THSD4: variants seen among roughly 807,000 people sequenced by gnomAD.
THSD4 encodes the protein thrombospondin type-1 domain-containing protein 4.
A neutral mutation model predicts 119.0 loss-of-function variants in THSD4; 69 were observed. The ratio of observed to expected loss-of-function variants is 0.58; its 90% confidence interval spans 0.48 to 0.71. The LOEUF is 0.71. THSD4 is among the 30% of genes least tolerant of loss of function. THSD4 has a pLI of 0.00. For synonymous variants in THSD4, 524 were observed against 540.4 expected (o/e 0.97, Z 0.42); for missense variants, 1,393 against 1,391.1 (o/e 1.00, Z -0.02).
At chr15:71,364,582 G>T (rs943716948) in intron 6 of THSD4, among the ~76,000 whole-genome samples, 1 of 152,196 alleles carries the variant, frequency 6.6e-6, no homozygotes, top group African/African-American at 2.4e-5. Context: ...TCCCCTTAGG[G>T]GTTCAAGAGG....
chr15:71,506,383 C>G (rs2048188157), intron 7 of THSD4, among the ~76,000 whole-genome samples: 1 of 152,204 alleles, frequency 6.6e-6, no homozygotes. Flanking sequence ...TACTGACTCT[C>G]TCACTCTTCC....
intron 7 of THSD4, among the ~76,000 whole-genome samples, chr15:71,476,705 C>T (rs958186068): frequency 2.6e-5 from 4 of 152,232 alleles, no homozygotes; most frequent in African/African-American, 4.8e-5. Context: ...TTTCTTTTAG[C>T]ACCTCAAGAA....
At chr15:71,757,735 A>G in intron 14 of THSD4, 167 bp from the exon 15 acceptor site, 1 of 791,128 alleles carries the variant, frequency 1.3e-6, no homozygotes, top group Non-Finnish European at 2.0e-6. Context: ...GAATTGCCAT[A>G]CTGATATCTC....
chr15:71,361,725 G>T (rs750971129), intron 6 of THSD4, among the ~76,000 whole-genome samples: 1 of 152,128 alleles, frequency 6.6e-6, no homozygotes, highest in East Asian at 1.9e-4. Context: ...CATCACAAAA[G>T]ATTGGAAACA....
At chr15:71,121,104 C>A (rs189705840) in intron 1 of THSD4, among the ~76,000 whole-genome samples, 73 of 151,966 alleles carry the variant, frequency 4.8e-4, no homozygotes, top group Non-Finnish European at 9.6e-4. Flanking sequence ...ACATACTTTT[C>A]CCCCTGAAAT....
chr15:71,610,819 G>A lies in THSD4; in HGVS notation c.1153-49711G>A, dbSNP rs1595785514. ...TCATTCTCCAGATATAAATTGGAGGGAAGCAGAGAGCAGTAGGGGCAGTTA... is the reference window on the plus strand; with the variant it reads ...TCATTCTCCAGATATAAATTGGAGGAAAGCAGAGAGCAGTAGGGGCAGTTA... On this transcript the variant is annotated intron_variant, in intron 7 of 17. Transcript: ENST00000261862. Among the ~76,000 whole-genome samples, 3 of 152,284 alleles carry A rather than the reference G, an allele frequency of 2.0e-5. No homozygotes were observed. The South Asian group carries it at 6.2e-4, about 32-fold the overall frequency.
At chr15:71,727,021 C>A (rs1341319399) in intron 8 of THSD4, among the ~76,000 whole-genome samples, 1 of 151,960 alleles carries the variant, frequency 6.6e-6, no homozygotes, top group Non-Finnish European at 1.5e-5. Context: ...TGAAGAAATT[C>A]TATTTCCAGA....
At chr15:71,630,991 C>T (rs142451086) in intron 7 of THSD4, among the ~76,000 whole-genome samples, 14 of 152,318 alleles carry the variant, frequency 9.2e-5, no homozygotes, top group African/African-American at 3.4e-4. Context: ...TCATGCTCTC[C>T]TCCCCAACCA....
chr15:71,673,842 C>T (rs1035607057), intron 8 of THSD4, among the ~76,000 whole-genome samples: 4 of 152,100 alleles, frequency 2.6e-5, no homozygotes, highest in African/African-American at 7.2e-5. Flanking sequence ...CTGCAAGGTC[C>T]GCCTCCCAGG....
chr15:71,234,365 G>A (rs1455779729), intron 4 of THSD4, among the ~76,000 whole-genome samples: 1 of 152,070 alleles, frequency 6.6e-6, no homozygotes. Context: ...GAGTGCAATG[G>A]CACGATCTTG....
intron 3 of THSD4, among the ~76,000 whole-genome samples, chr15:71,191,574 C>A (rs1306666548): frequency 6.6e-6 from 1 of 152,164 alleles, no homozygotes; most frequent in Non-Finnish European, 1.5e-5. Flanking sequence ...TTATTATCAT[C>A]CCTGTTTTAT....
chr15:71,385,380 TAAAAG>T (rs1319761766), intron 6 of THSD4, among the ~76,000 whole-genome samples: 1 of 152,078 alleles, frequency 6.6e-6, no homozygotes, highest in Non-Finnish European at 1.5e-5. Context: ...ACTAATCTCT[TAAAAG>T]AAAAACCTTA....
At chr15:71,716,495 C>T (rs1595886109) in intron 8 of THSD4, among the ~76,000 whole-genome samples, 1 of 151,656 alleles carries the variant, frequency 6.6e-6, no homozygotes, top group East Asian at 1.9e-4. Context: ...GCTAGAATCG[C>T]ACTGGAGTAT....
rs750905803 is a variant in THSD4 at position 71,748,436 on chromosome 15, G to A, written c.2257G>A (p.Gly753Ser). Residue 753 changes from glycine (G) to serine (S), a missense_variant, in exon 14 of 18, where the codon GGC becomes AGC. Transcript: ENST00000261862. ...TDWTSCSVPC[G>S]VGQRTRDVKC... ...TGTGTTTCAGTGCTCGGTGCCCTGC[G>A]GCGTGGGACAGAGGACCCGTGATGT... 8.1e-6 allele frequency: 13 copies of A among 1,614,054 alleles called. No homozygotes were observed. The highest frequency in any genetic ancestry group is 1.1e-5 in the South Asian group (1 of 91,074).
intron 8 of THSD4, among the ~76,000 whole-genome samples, chr15:71,717,586 G>T (rs1400383136): frequency 8.7e-6 from 1 of 114,352 alleles, no homozygotes; most frequent in Admixed American, 1.0e-4. Flanking sequence ...CTTAAATATG[G>T]CATTTAGCAT....
At chr15:71,339,845 A>G (rs1399277372) in intron 6 of THSD4, among the ~76,000 whole-genome samples, 1 of 151,994 alleles carries the variant, frequency 6.6e-6, no homozygotes, top group African/African-American at 2.4e-5. Flanking sequence ...GCTCACTGCA[A>G]CCTCTGCCTC....
chr15:71,601,308 T>C (rs2050006504), intron 7 of THSD4, among the ~76,000 whole-genome samples: 1 of 152,206 alleles, frequency 6.6e-6, no homozygotes, highest in South Asian at 2.1e-4. Flanking sequence ...GGAGAATTGA[T>C]GCATTTATGA....
intron 4 of THSD4, among the ~76,000 whole-genome samples, chr15:71,220,665 T>C (rs1596276154): frequency 6.6e-6 from 1 of 152,076 alleles, no homozygotes; most frequent in Admixed American, 6.5e-5. Context: ...TAAAGGCTGG[T>C]ATTAGATAGT....
At chr15:71,719,798 C>T (rs763858405) in intron 8 of THSD4, among the ~76,000 whole-genome samples, 12 of 152,106 alleles carry the variant, frequency 7.9e-5, no homozygotes, top group Non-Finnish European at 1.2e-4. Flanking sequence ...ACCTCAGCCT[C>T]CCAAGTAGCT....
Sources: allele counts gnomAD v4.1 joint callset (sites outside exome capture counted in the v4.1 genomes callset), GRCh38; gene constraint gnomAD v4.1.1; transcripts MANE v1.5; gene names NCBI Gene and HGNC (gene_info 2026-07-23, HGNC 2026-07-21).